CTNNA1: variants seen among roughly 807,000 people sequenced by gnomAD.
The protein encoded by CTNNA1 is catenin alpha 1.
CTNNA1 carries 37 observed loss-of-function variants against 98.4 expected under a neutral mutation model. The ratio of observed to expected loss-of-function variants is 0.38; its 90% CI spans 0.29 to 0.49. The LOEUF is 0.49. Among genes scored for constraint, CTNNA1 ranks in the 20% least tolerant of loss-of-function variants. The pLI is 0.95. For missense variants in CTNNA1, 761 were observed against 1,147.2 expected (o/e 0.66, Z 4.86); for synonymous variants, 404 against 413.2 (o/e 0.98, Z 0.27).
rs2149996058 is a variant in CTNNA1, at chr5:138,881,801, T to C, written c.1063-4411T>C. On this transcript the variant is annotated intron_variant, in intron 7 of 17. Coordinates refer to ENST00000302763, the MANE Select transcript of CTNNA1 (RefSeq NM_001903.5). The stretch of plus-strand genomic sequence containing the variant: ...GAATTTTCTAATGGCTGAGGAGGTA[T>C]TTTATCTAACTAGATCTTCCTGTTA... Among the ~76,000 whole-genome samples, 3 of 152,340 alleles carry C rather than the reference T, an allele frequency of 2.0e-5. No homozygotes were observed. The Middle Eastern group carries it at 0.01, about 518-fold the overall frequency.
At chr5:138,794,556 G>T (rs1756728596) in intron 3 of CTNNA1, among the ~76,000 whole-genome samples, 1 of 152,184 alleles carries the variant, frequency 6.6e-6, no homozygotes, top group South Asian at 2.1e-4. Context: ...ATGTCATAGG[G>T]CACGTGGGTT....
chr5:138,769,857 AT>A (rs1294631461), intron 1 of CTNNA1, among the ~76,000 whole-genome samples: 1 of 134,934 alleles, frequency 7.4e-6, no homozygotes, highest in Non-Finnish European at 1.6e-5. Flanking sequence ...TTATTTATTT[AT>A]TTATTGAGAC....
intron 3 of CTNNA1, among the ~76,000 whole-genome samples, chr5:138,795,031 C>T (rs1756784587): frequency 6.6e-6 from 1 of 151,278 alleles, no homozygotes; most frequent in African/African-American, 2.4e-5. Context: ...TCACCTGTAG[C>T]CCCATCTACT....
chr5:138,825,687 T>C (rs1435246396), intron 6 of CTNNA1, among the ~76,000 whole-genome samples: 2 of 152,112 alleles, frequency 1.3e-5, no homozygotes, highest in Non-Finnish European at 2.9e-5. Context: ...TTCTTTCTTT[T>C]GCCACTTTAC....
chr5:138,854,421 C>T (rs928803174), intron 7 of CTNNA1, among the ~76,000 whole-genome samples: 1 of 152,190 alleles, frequency 6.6e-6, no homozygotes, highest in Non-Finnish European at 1.5e-5. Flanking sequence ...CATTTGCCTC[C>T]ATTTCCCCCC....
intron 3 of CTNNA1, among the ~76,000 whole-genome samples, chr5:138,806,018 T>G (rs1328107360): frequency 6.6e-6 from 1 of 152,222 alleles, no homozygotes; most frequent in Non-Finnish European, 1.5e-5. Context: ...AAGTGTTTTA[T>G]AATTTTAGCT....
intron 7 of CTNNA1, among the ~76,000 whole-genome samples, chr5:138,831,822 A>G (rs1160169617): frequency 6.6e-6 from 1 of 152,236 alleles, no homozygotes; most frequent in African/African-American, 2.4e-5. Context: ...TAATGCTGCA[A>G]GAGGTGCTCA....
intron 3 of CTNNA1, among the ~76,000 whole-genome samples, chr5:138,805,273 T>C (rs1251316487): frequency 6.6e-6 from 1 of 152,168 alleles, no homozygotes; most frequent in East Asian, 1.9e-4. Flanking sequence ...CCAAACCATA[T>C]CCACCTAGCA....
rs372902176 is a variant in CTNNA1 at position 138,930,517 on chromosome 5, G to A, written c.2055G>A (p.Ala685=). ...CCCAGGAGCAAAAAGCGAAGATTGC[G>A]GAACAGGTGGCCAGCTTCCAGGAAG... ...QLPQEQKAKI[A]EQVASFQEEK... The change falls in exon 15 of 18, where the codon GCG becomes GCA. Residue 685 remains alanine, a synonymous_variant. Coordinates refer to ENST00000302763, the MANE Select transcript of CTNNA1 (RefSeq NM_001903.5). 1.4e-5 allele frequency: 22 copies of A among 1,613,794 alleles called. No individual in the cohort carries two copies. The highest frequency in any genetic ancestry group is 1.1e-4 in the African/African-American group (8 of 74,892).
At chr5:138,871,780 G>A (rs1021741422) in intron 7 of CTNNA1, 1 of 152,160 alleles carries the variant, frequency 6.6e-6, no homozygotes, top group Admixed American at 6.5e-5. Context: ...CACCTACACT[G>A]AACTACACTT....
chr5:138,844,188 G>A (rs1762511768), intron 7 of CTNNA1, among the ~76,000 whole-genome samples: 1 of 150,758 alleles, frequency 6.6e-6, no homozygotes, highest in South Asian at 2.1e-4. Flanking sequence ...TAGAGATGGG[G>A]TTTTGCTGTG....
chr5:138,774,822 C>T (rs1013531240), intron 1 of CTNNA1, among the ~76,000 whole-genome samples: 5 of 151,664 alleles, frequency 3.3e-5, no homozygotes, highest in African/African-American at 7.3e-5. Flanking sequence ...GGGGTTTCAC[C>T]GTGGTCTTGA....
intron 1 of CTNNA1, among the ~76,000 whole-genome samples, chr5:138,770,380 A>G (rs925975262): frequency 6.6e-6 from 1 of 152,142 alleles, no homozygotes; most frequent in African/African-American, 2.4e-5. Context: ...TCCATTGTTA[A>G]TGTTCTCAAC....
rs978379355 is a variant in CTNNA1, at chr5:138,879,172, A to G, written c.1063-7040A>G. 1.2e-3 allele frequency among the ~76,000 whole-genome samples: 34 copies of G among 29,386 alleles called. No homozygotes were observed. In the East Asian group the frequency reaches 0.039, roughly 34 times the overall value. 19.3% of individuals were successfully genotyped at this position (29,386 alleles called of 152,430 possible). A position where few individuals can be genotyped will look rare whatever the true frequency, so the allele number is the denominator to read the frequency against. On this transcript the variant is annotated intron_variant, in intron 7 of 17. Coordinates refer to ENST00000302763, the MANE Select transcript of CTNNA1 (RefSeq NM_001903.5). ...GGTGACAGAGTGAGACTCCGTCTTT[A>G]AAAAAAAAAAAAAAAAAAAAAAAAG...
At chr5:138,832,871 A>C (rs191189045) in intron 7 of CTNNA1, among the ~76,000 whole-genome samples, 1 of 152,310 alleles carries the variant, frequency 6.6e-6, no homozygotes, top group Non-Finnish European at 1.5e-5. Flanking sequence ...GTGTGTTTTA[A>C]TGTTCTCTGA....
At chr5:138,852,357 AC>A (rs532587284) in intron 7 of CTNNA1, among the ~76,000 whole-genome samples, 38 of 145,348 alleles carry the variant, frequency 2.6e-4, no homozygotes, top group African/African-American at 9.7e-4. Flanking sequence ...ACTTCCTTTC[AC>A]CTCTTTCTCG....
chr5:138,794,845 G>T (rs1037087718), intron 3 of CTNNA1, among the ~76,000 whole-genome samples: 1 of 152,160 alleles, frequency 6.6e-6, no homozygotes, highest in East Asian at 1.9e-4. Context: ...GTTGTAAAAT[G>T]AAAGTTGGTG....
chr5:138,873,539 C>A lies in CTNNA1; in HGVS notation c.1063-12673C>A. The A allele has an allele frequency of 6.2e-7, 1 of 1,613,984 alleles. No individual in the cohort carries two copies. Among genetic ancestry groups the A allele is most frequent in the Non-Finnish European group, 8.5e-7 (1 of 1,179,894 alleles). ...ATCCTCTCCTTGGGTGTGGTCAGGACTGTGGCATAGGATGGAGTGTTCCCA... is the reference window on the plus strand; with the variant it reads ...ATCCTCTCCTTGGGTGTGGTCAGGAATGTGGCATAGGATGGAGTGTTCCCA... On this transcript the variant is annotated intron_variant, in intron 7 of 17. Coordinates refer to ENST00000302763, the MANE Select transcript of CTNNA1 (RefSeq NM_001903.5). This position sits in a 1 kb window ranked among gnomAD's most constrained non-coding sequence, Gnocchi z 6.1.
chr5:138,926,406 C>T (rs937646514), intron 13 of CTNNA1, among the ~76,000 whole-genome samples: 1 of 152,258 alleles, frequency 6.6e-6, no homozygotes, highest in Non-Finnish European at 1.5e-5. Flanking sequence ...CACAGCCACG[C>T]TGATGGAGCC....
Sources: gnomAD v4.1 joint callset for allele counts (sites outside exome capture counted in the v4.1 genomes callset) on GRCh38, gnomAD v4.1.1 for gene constraint, Gnocchi (gnomAD v3.1) non-coding constraint, MANE v1.5 for transcripts, NCBI Gene and HGNC (gene_info 2026-07-23, HGNC 2026-07-21) for gene names.